ST6GAL1: variants seen among roughly 807,000 people sequenced by gnomAD.
ST6GAL1 encodes the protein ST6 beta-galactoside alpha-2,6-sialyltransferase 1.
In ST6GAL1, 20 loss-of-function variants were observed where a neutral mutation model predicts 38.0. The ratio of observed to expected loss-of-function variants is 0.53; its 90% CI spans 0.37 to 0.77. The LOEUF is 0.77. Among genes scored for constraint, ST6GAL1 ranks in the 30% least tolerant of loss-of-function variants. ST6GAL1 has a pLI of 0.00. For synonymous variants in ST6GAL1, 196 were observed against 188.2 expected (o/e 1.04, Z -0.34); for missense variants, 432 against 496.4 (o/e 0.87, Z 1.23).
chr3:187,066,603 T>TGTGC (rs1553836663), intron 5 of ST6GAL1, among the ~76,000 whole-genome samples: 4 of 79,700 alleles, frequency 5.0e-5, no homozygotes, highest in Non-Finnish European at 9.3e-5. Context: ...CGTGCGTGCG[T>TGTGC]GTGTGTGTGT....
intron 5 of ST6GAL1, among the ~76,000 whole-genome samples, chr3:187,054,147 T>A (rs564844321): frequency 6.6e-6 from 1 of 152,348 alleles, no homozygotes; most frequent in South Asian, 2.1e-4. Context: ...GCACATTGAT[T>A]TTGTATCCTG....
intron 2 of ST6GAL1, among the ~76,000 whole-genome samples, chr3:187,012,627 C>T (rs990603817): frequency 6.6e-6 from 1 of 152,206 alleles, no homozygotes; most frequent in African/African-American, 2.4e-5. Context: ...GGCCAGAAAA[C>T]CCCACCACAC....
Position 187,074,311 on chromosome 3 carries a change from C to A in ST6GAL1, c.957C>A (p.Asn319Lys), listed in dbSNP as rs377592687. 1.3e-6 allele frequency: 2 copies of A among 1,593,694 alleles called. No individual in the cohort carries two copies. Among genetic ancestry groups the A allele is most frequent in the East Asian group, 2.3e-5 (1 of 44,020 alleles). Residue 319 changes from asparagine to lysine, a missense_variant, in exon 7 of 8, where the codon AAC becomes AAA. Transcript: ENST00000169298. The part of the protein sequence containing the change: ...QEISPEEIQP[N>K]PPSSGMLGII... The stretch of plus-strand genomic sequence containing the variant: ...TCTCCCCAGAAGAGATTCAGCCAAA[C>A]CCCCCATCCTCTGGGATGCTTGGTG...
chr3:186,932,748 CTTATT>C (rs1713803741), intron 1 of ST6GAL1, among the ~76,000 whole-genome samples: 1 of 75,644 alleles, frequency 1.3e-5, no homozygotes, highest in African/African-American at 4.3e-5. Context: ...TTTCACTGAT[CTTATT>C]AAAGTTACTT....
At position 186,990,776 on chromosome 3, in the gene ST6GAL1, G is replaced by A. The variant is rs1400581363; in HGVS notation, c.-183+26850G>A. 3.5e-4 allele frequency among the ~76,000 whole-genome samples: 53 copies of A among 150,148 alleles called. 1 individual carries two copies. The Admixed American group carries it at 3.5e-3, about 10-fold the overall frequency. ...TGCAGTGAGCCGAGATCGTACCATT[G>A]CGCTCCGGCCTGGTCAACAAGAGCA... On this transcript the variant is annotated intron_variant, in intron 2 of 7. Transcript: ENST00000169298.
At chr3:187,006,640 C>A (rs1716796006) in intron 2 of ST6GAL1, 1 of 152,082 alleles carries the variant, frequency 6.6e-6, no homozygotes, top group Non-Finnish European at 1.5e-5. Flanking sequence ...GATGAGGAAA[C>A]TGAGGTAAAA....
In ST6GAL1 at chr3:186,994,038, T is replaced by C. The variant is rs1716275393; in HGVS notation, c.-183+30112T>C. Among the ~76,000 whole-genome samples, 3 of 152,230 alleles carry C rather than the reference T, an allele frequency of 2.0e-5. No homozygotes were observed. In the South Asian group the frequency reaches 6.2e-4, roughly 32 times the overall value. Reference sequence around the variant, plus strand: ...GCAGGCTCCTTGCCTTCCACATATTTCTATGTGTTGGGATGAGATTGTCTT... The same window carrying C: ...GCAGGCTCCTTGCCTTCCACATATTCCTATGTGTTGGGATGAGATTGTCTT... On this transcript the variant is annotated intron_variant, in intron 2 of 7. Coordinates refer to ENST00000169298, the MANE Select transcript of ST6GAL1 (RefSeq NM_173216.2).
intron 2 of ST6GAL1, among the ~76,000 whole-genome samples, chr3:187,015,857 T>A (rs755637415): frequency 4.0e-5 from 6 of 151,860 alleles, no homozygotes; most frequent in Non-Finnish European, 8.8e-5. Flanking sequence ...AAAATAAAAA[T>A]AAATAAAAGA....
intron 5 of ST6GAL1, among the ~76,000 whole-genome samples, chr3:187,066,865 T>C (rs946494851): frequency 1.3e-5 from 2 of 151,984 alleles, no homozygotes; most frequent in Non-Finnish European, 2.9e-5. Context: ...TGCAGGTAAG[T>C]ACAGGCGTTT....
chr3:186,996,974 A>G (rs1716432779), intron 2 of ST6GAL1, among the ~76,000 whole-genome samples: 1 of 151,602 alleles, frequency 6.6e-6, no homozygotes, highest in Non-Finnish European at 1.5e-5. Flanking sequence ...CACACAGCAC[A>G]CTTGGTCTGT....
intron 1 of ST6GAL1, among the ~76,000 whole-genome samples, chr3:186,956,539 C>T (rs750190375): frequency 3.3e-5 from 5 of 152,188 alleles, no homozygotes; most frequent in East Asian, 3.8e-4. Flanking sequence ...TGCTCACCAG[C>T]GAGGCCTCTC....
rs111888274 is a variant in ST6GAL1 at position 186,991,995 on chromosome 3, C to T, written c.-183+28069C>T. Among the ~76,000 whole-genome samples the T allele has an allele frequency of 9.5e-3, 1,446 of 152,254 alleles. 31 individuals carry two copies. The highest frequency in any genetic ancestry group is 0.06 in the South Asian group (292 of 4,832). On this transcript the variant is annotated intron_variant, in intron 2 of 7. Transcript: ENST00000169298. ...CAGCTGACCTCCCATATGGCCAAAT[C>T]GATCCTGAGGTTGGGAATCCAGTTC...
At chr3:186,954,585 G>GT (rs1420298568) in intron 1 of ST6GAL1, among the ~76,000 whole-genome samples, 4 of 152,084 alleles carry the variant, frequency 2.6e-5, no homozygotes, top group Non-Finnish European at 4.4e-5. Context: ...GATGCATGGT[G>GT]TTGAGCATTT....
intron 2 of ST6GAL1, chr3:186,986,380 AC>A (rs1324840727): frequency 1.3e-5 from 2 of 152,390 alleles, no homozygotes; most frequent in African/African-American, 4.8e-5. Context: ...TAAATATTCA[AC>A]AGTAAATATT....
At chr3:187,065,152 C>T (rs1336486375) in intron 5 of ST6GAL1, among the ~76,000 whole-genome samples, 1 of 152,114 alleles carries the variant, frequency 6.6e-6, no homozygotes, top group Non-Finnish European at 1.5e-5. Flanking sequence ...GCATGCACCA[C>T]CATGCCCAGC....
At chr3:187,048,960 G>T (rs150668770) in intron 4 of ST6GAL1, among the ~76,000 whole-genome samples, 2 of 141,334 alleles carry the variant, frequency 1.4e-5, no homozygotes, top group Non-Finnish European at 3.0e-5. Flanking sequence ...GCACAATCTC[G>T]GCTCACGCTA....
Position 187,074,182 on chromosome 3 carries a change from T to G in ST6GAL1, c.828T>G (p.Asn276Lys). ...AGTGGTACCAGAATCCGGATTATAA[T>G]TTCTTTAACAACTACAAGACTTATC... ...IPKWYQNPDY[N>K]FFNNYKTYRK... Residue 276 changes from asparagine to lysine, a missense_variant, in exon 7 of 8, where the codon AAT (asparagine) becomes AAG (lysine). Transcript: ENST00000169298. The G allele has an allele frequency of 1.2e-6, 2 of 1,607,628 alleles. No homozygotes were observed. The highest frequency in any genetic ancestry group is 1.7e-6 in the Non-Finnish European group (2 of 1,177,570).
intron 2 of ST6GAL1, among the ~76,000 whole-genome samples, chr3:187,019,241 C>T (rs1717215328): frequency 6.6e-6 from 1 of 152,158 alleles, no homozygotes; most frequent in Non-Finnish European, 1.5e-5. Flanking sequence ...TCTGTTGTTT[C>T]ACTGGGATTG....
At position 186,932,781 on chromosome 3, in the gene ST6GAL1, C is replaced by T. The variant is rs540297203; in HGVS notation, c.-325+1947C>T. 3.9e-5 allele frequency among the ~76,000 whole-genome samples: 6 copies of T among 152,232 alleles called. No homozygotes were observed. In the South Asian group the frequency reaches 1.0e-3, roughly 26 times the overall value. ...AGTTACTTTTTTTTTAACGAGAGTC[C>T]CATGGAAGTAGCTGCTTATTTTTGT... On this transcript the variant is annotated intron_variant, in intron 1 of 7. Coordinates refer to ENST00000169298, the MANE Select transcript of ST6GAL1 (RefSeq NM_173216.2).
Sources: gnomAD v4.1 joint callset for allele counts (sites outside exome capture counted in the v4.1 genomes callset) on GRCh38, gnomAD v4.1.1 for gene constraint, MANE v1.5 for transcripts, NCBI Gene and HGNC (gene_info 2026-07-23, HGNC 2026-07-21) for gene names.